Variants in FAM114A1 observed in about 807,000 individuals in gnomAD.
The protein encoded by FAM114A1 is family with sequence similarity 114 member A1.
Under a neutral mutation model 64.3 loss-of-function variants are expected in FAM114A1, and 62 were observed. That is an observed-to-expected ratio of 0.96 (90% CI 0.79 to 1.19). FAM114A1 has a LOEUF of 1.19. Among genes scored for constraint, FAM114A1 ranks in the 50% most tolerant of loss-of-function variants. The probability of loss-of-function intolerance (pLI) is 0.00; values close to 1 mark genes in which losing one functional copy is unlikely to be tolerated. For missense variants in FAM114A1, 645 were observed against 676.3 expected, an observed-to-expected ratio of 0.95 and a Z score of 0.51; for synonymous variants, 254 against 251.1, an observed-to-expected ratio of 1.01 and a Z score of -0.11.
chr4:38,887,412 T>C (rs1389282897), intron 3 of FAM114A1, among the ~76,000 whole-genome samples: 1 of 152,230 alleles, frequency 6.6e-6, no homozygotes, highest in Non-Finnish European at 1.5e-5. Flanking sequence ...TTATAATATA[T>C]TCTACTTCCT....
chr4:38,906,799 T>G (rs537488030), intron 6 of FAM114A1, among the ~76,000 whole-genome samples: 16 of 152,304 alleles, frequency 1.1e-4, no homozygotes, highest in Non-Finnish European at 2.1e-4. Context: ...CCTCCCAAAG[T>G]GCTGAGATTA....
intron 5 of FAM114A1, 49 bp downstream of exon 5, chr4:38,905,684 T>C: frequency 1.2e-6 from 2 of 1,607,736 alleles, no homozygotes; most frequent in South Asian, 1.1e-5. Context: ...TTACACCATG[T>C]GCATAATCAG....
intron 8 of FAM114A1, among the ~76,000 whole-genome samples, chr4:38,917,189 A>AAATAAATAAAT (rs1478521164): frequency 2.7e-5 from 3 of 111,582 alleles, no homozygotes; most frequent in South Asian, 3.6e-4. Context: ...AATAAATAAA[A>AAATAAATAAAT]AAGCTGGGCA....
chr4:38,878,387 A>T lies in FAM114A1; in HGVS notation c.309A>T (p.Glu103Asp). ...TTGATTCCGTCAGCCTTGAGGCAGA[A>T]CCCAGATCCGAAATACCCCTGCAAG... ...ECIDSVSLEA[E>D]PRSEIPLQEQ... is the part of the protein sequence containing the mutation. The change falls in exon 3 of 15, where the codon GAA becomes GAT. Residue 103 changes from glutamate to aspartate, a missense_variant. Physicochemically the swap from Glu to Asp is conservative, Grantham distance 45. Transcript: ENST00000358869. 2 of 1,607,604 alleles carry T rather than the reference A, an allele frequency of 1.2e-6. No homozygotes were observed. Among genetic ancestry groups the T allele is most frequent in the Non-Finnish European group, 1.7e-6 (2 of 1,176,404 alleles).
At chr4:38,904,274 C>A (rs1717782846) in intron 4 of FAM114A1, among the ~76,000 whole-genome samples, 1 of 152,202 alleles carries the variant, frequency 6.6e-6, no homozygotes, top group South Asian at 2.1e-4. Flanking sequence ...TTTGGACCAT[C>A]CGTAGGCTAT....
At chr4:38,918,184 A>G (rs1202375365) in intron 8 of FAM114A1, among the ~76,000 whole-genome samples, 1 of 152,176 alleles carries the variant, frequency 6.6e-6, no homozygotes, top group East Asian at 1.9e-4. Flanking sequence ...AGATCGCGCC[A>G]TTGCACTCCA....
chr4:38,892,756 G>A (rs533966558), intron 4 of FAM114A1, among the ~76,000 whole-genome samples: 45 of 152,326 alleles, frequency 3.0e-4, no homozygotes, highest in Non-Finnish European at 5.3e-4. Context: ...AGGACCTTGC[G>A]ATAGGCCATG....
intron 12 of FAM114A1, among the ~76,000 whole-genome samples, chr4:38,933,640 T>C (rs547626944): frequency 6.6e-5 from 10 of 152,342 alleles, no homozygotes; most frequent in African/African-American, 2.4e-4. Context: ...ATAGTTGATA[T>C]GGAGCATTCA....
chr4:38,868,189 G>A (rs1713645051), intron 1 of FAM114A1: 2 of 201,910 alleles, frequency 9.9e-6, no homozygotes, highest in East Asian at 1.3e-4. Context: ...AAAGTATCCA[G>A]TCCTGGCACC....
Position 38,922,812 on chromosome 4 carries a change from C to T in FAM114A1, c.988C>T (p.Leu330Phe). Residue 330 changes from leucine (L) to phenylalanine (F), a missense_variant, in exon 9 of 15, where the codon CTC (leucine) becomes TTC (phenylalanine). Physicochemically the swap from Leu to Phe is conservative, Grantham distance 22. Transcript: ENST00000358869. The stretch of plus-strand genomic sequence containing the variant: ...ATCACTTGATGGAGAGAAGCTGGAA[C>T]TCTTAAAAAATGACCTAATTTCCAT... ...LASLDGEKLELLKNDLISIKD... is the reference protein window; with the variant it reads ...LASLDGEKLEFLKNDLISIKD... The T allele has an allele frequency of 6.2e-7, 1 of 1,613,470 alleles. No homozygotes were observed. The highest frequency in any genetic ancestry group is 8.5e-7 in the Non-Finnish European group (1 of 1,179,804).
chr4:38,925,596 T>C (rs1720030170), intron 9 of FAM114A1, among the ~76,000 whole-genome samples: 1 of 152,248 alleles, frequency 6.6e-6, no homozygotes, highest in Non-Finnish European at 1.5e-5. Flanking sequence ...ATTTTTTAGA[T>C]GAATTTAATA....
chr4:38,899,335 C>G (rs1717279391), intron 4 of FAM114A1, among the ~76,000 whole-genome samples: 1 of 152,142 alleles, frequency 6.6e-6, no homozygotes, highest in African/African-American at 2.4e-5. Flanking sequence ...CATTAATCCA[C>G]AGCACCGGGC....
chr4:38,936,852 G>A (rs1356749180), intron 13 of FAM114A1, among the ~76,000 whole-genome samples: 2 of 152,186 alleles, frequency 1.3e-5, no homozygotes, highest in South Asian at 2.1e-4. Context: ...GCCTGGCAGA[G>A]ATAAGAGTTT....
chr4:38,939,900 T>C (rs1721455018), intron 13 of FAM114A1, among the ~76,000 whole-genome samples: 1 of 150,922 alleles, frequency 6.6e-6, no homozygotes, highest in Non-Finnish European at 1.5e-5. Flanking sequence ...TTTTTTTTTT[T>C]TTTTGTTAGA....
At chr4:38,875,845 T>G (rs1714559524) in intron 2 of FAM114A1, among the ~76,000 whole-genome samples, 1 of 152,236 alleles carries the variant, frequency 6.6e-6, no homozygotes. Flanking sequence ...ATGCTTAGTT[T>G]GTTGAGACAG....
chr4:38,878,948 C>T (rs1714944041), intron 3 of FAM114A1, among the ~76,000 whole-genome samples: 1 of 152,014 alleles, frequency 6.6e-6, no homozygotes, highest in Non-Finnish European at 1.5e-5. Context: ...CTTCAGCCTT[C>T]AGATCACTGT....
At chr4:38,939,979 C>T (rs998555202) in intron 13 of FAM114A1, among the ~76,000 whole-genome samples, 5 of 151,056 alleles carry the variant, frequency 3.3e-5, no homozygotes, top group Non-Finnish European at 7.4e-5. Flanking sequence ...ACCACTGCCT[C>T]CTAGGTTTAA....
intron 3 of FAM114A1, 83 bp from the exon 4 acceptor site, chr4:38,891,660 C>T: frequency 8.3e-7 from 1 of 1,205,944 alleles, no homozygotes; most frequent in Non-Finnish European, 1.2e-6. Context: ...TTCCAAACCT[C>T]CTCTTTGTTT....
intron 3 of FAM114A1, among the ~76,000 whole-genome samples, chr4:38,885,206 C>T (rs1715677809): frequency 6.6e-6 from 1 of 152,114 alleles, no homozygotes; most frequent in Non-Finnish European, 1.5e-5. Flanking sequence ...AACTCCTGAC[C>T]TCAGGTGATC....
Sources: gnomAD v4.1 joint callset for allele counts (sites outside exome capture counted in the v4.1 genomes callset) on GRCh38, gnomAD v4.1.1 for gene constraint, MANE v1.5 for transcripts, NCBI Gene and HGNC (gene_info 2026-07-23, HGNC 2026-07-21) for gene names.